The following C2orf69 variants were observed in gnomAD, a reference collection of about 807,000 sequenced individuals.
The protein encoded by C2orf69 is chromosome 2 open reading frame 69.
A neutral mutation model predicts 29.5 loss-of-function variants in C2orf69; 19 were observed. That is an observed-to-expected ratio of 0.65 (90% confidence interval 0.45 to 0.95). The LOEUF is 0.95. Among genes scored for constraint, C2orf69 ranks in the 40% least tolerant of loss-of-function variants. The pLI is 0.00. For synonymous variants in C2orf69, 194 were observed against 180.0 expected, an observed-to-expected ratio of 1.08 and a Z score of -0.62; for missense variants, 416 against 482.1, an observed-to-expected ratio of 0.86 and a Z score of 1.28.
rs962723387 is a variant in C2orf69, at chr2:199,913,406, T to A, written c.333+1635T>A. Among the ~76,000 whole-genome samples, 196 of 85,760 alleles carry A rather than the reference T, an allele frequency of 2.3e-3. 5 individuals are homozygous for A. Among genetic ancestry groups the A allele is most frequent in the Admixed American group, 0.019 (110 of 5,754 alleles). 56.3% of individuals were successfully genotyped at this position (85,760 alleles called of 152,430 possible). On this transcript the variant is annotated intron_variant, in intron 1 of 1. Coordinates refer to ENST00000319974, the MANE Select transcript of C2orf69 (RefSeq NM_153689.6). ...TATATATAATAACATATATTATATATAATATATATTCTATTATATAAAATA... is the reference window on the plus strand; with the variant it reads ...TATATATAATAACATATATTATATAAAATATATATTCTATTATATAAAATA...
intron 1 of C2orf69, among the ~76,000 whole-genome samples, chr2:199,920,415 AT>A (rs2077311243): frequency 6.6e-6 from 1 of 152,114 alleles, no homozygotes; most frequent in Admixed American, 6.5e-5. Context: ...GGAAAATATC[AT>A]GTTTCTAGAT....
intron 1 of C2orf69, among the ~76,000 whole-genome samples, chr2:199,913,505 ATATAT>A (rs1489057713): frequency 2.3e-5 from 1 of 43,428 alleles, no homozygotes; most frequent in East Asian, 8.2e-4. Flanking sequence ...TATATAAAAT[ATATAT>A]TATACTATAT....
chr2:199,911,825 G>C lies in C2orf69; in HGVS notation c.333+54G>C, dbSNP rs1009197862. 3 of 1,534,204 alleles carry C rather than the reference G, an allele frequency of 2.0e-6. No homozygotes were observed. In the South Asian group the frequency reaches 3.6e-5, roughly 18 times the overall value. On this transcript the variant is annotated intron_variant, in intron 1 of 1. Coordinates refer to ENST00000319974, the MANE Select transcript of C2orf69 (RefSeq NM_153689.6). ...TCCTTCCTCTCGTGTATACGTACGC[G>C]GTCACTGATTCTTCCCTCGTGGCTG... is the stretch of plus-strand genomic sequence containing the variant.
In C2orf69 at chr2:199,927,388, AT is replaced by A. The variant is rs2077340003; in HGVS notation, c.*1503del. 6.6e-6 allele frequency: 1 copy of A among 151,828 alleles called. No individual in the cohort carries two copies. The highest frequency in any genetic ancestry group is 1.5e-5 in the Non-Finnish European group (1 of 67,918). 9.4% of individuals were successfully genotyped at this position (151,828 alleles called of 1,614,324 possible). A position where few individuals can be genotyped will look rare whatever the true frequency, so the allele number is the denominator to read the frequency against. On this transcript the variant is annotated 3_prime_UTR_variant, in exon 2 of 2. Transcript: ENST00000319974. Reference sequence around the variant, plus strand: ...ACCTAGATTTATAAAGCCATATAGAATAAAAATGTTAATTTCTTGGTTTCTT... The same window carrying A: ...ACCTAGATTTATAAAGCCATATAGAAAAAAATGTTAATTTCTTGGTTTCTT...
Position 199,925,468 on chromosome 2 carries a change from G to A in C2orf69, c.740G>A (p.Ser247Asn), listed in dbSNP as rs765902580. The A allele has an allele frequency of 1.2e-6, 2 of 1,613,774 alleles. No individual in the cohort carries two copies. The highest frequency in any genetic ancestry group is 1.1e-5 in the South Asian group (1 of 91,086). Residue 247 changes from serine (S) to asparagine (N), a missense_variant, in exon 2 of 2, where the codon AGT becomes AAT. This residue lies in a region of C2orf69 where 225 missense variants were observed against 307.3 expected (regional missense o/e 0.73). Coordinates refer to ENST00000319974, the MANE Select transcript of C2orf69 (RefSeq NM_153689.6). The surrounding 1 kb of genome is among the most constrained non-coding windows in gnomAD (Gnocchi z 4.9). Reference protein sequence around the residue: ...TCEKSDESAMSFYPPSLNDAS... With the variant: ...TCEKSDESAMNFYPPSLNDAS... ...GAAAAATCTGATGAGTCTGCCATGA[G>A]TTTTTATCCACCATCACTAAATGAC...
chr2:199,913,810 T>A (rs889645621), intron 1 of C2orf69, among the ~76,000 whole-genome samples: 3 of 151,896 alleles, frequency 2.0e-5, no homozygotes, highest in African/African-American at 7.3e-5. Flanking sequence ...CCTAAAATAA[T>A]GATGATGATA....
At position 199,927,626 on chromosome 2, in the gene C2orf69, GTTTCT is replaced by G. The variant is rs1177724878; in HGVS notation, c.*1744_*1748del. The G allele has an allele frequency of 1.4e-5, 2 of 142,584 alleles. No homozygotes were observed. Among genetic ancestry groups the G allele is most frequent in the Admixed American group, 7.1e-5 (1 of 14,002 alleles). 8.8% of individuals were successfully genotyped at this position (142,584 alleles called of 1,614,324 possible). A position where few individuals can be genotyped will look rare whatever the true frequency, so the allele number is the denominator to read the frequency against. ...TTGCTTCAGTTTCTTTAAATACCTC[GTTTCT>G]TTTGAGACCAAAAATTCCCATCAAG... On this transcript the variant is annotated 3_prime_UTR_variant, in exon 2 of 2. Coordinates refer to ENST00000319974, the MANE Select transcript of C2orf69 (RefSeq NM_153689.6).
At chr2:199,924,911 A>T (rs183993897) in intron 1 of C2orf69, 151 bp from the exon 2 acceptor site, 19 of 584,774 alleles carry the variant, frequency 3.2e-5, no homozygotes, top group African/African-American at 3.0e-4. Context: ...ACTAGAAAGT[A>T]ATGACAAATT....
intron 1 of C2orf69, among the ~76,000 whole-genome samples, chr2:199,913,394 ATATAT>A (rs1243063085): frequency 2.1e-3 from 131 of 63,072 alleles, no homozygotes; most frequent in East Asian, 2.7e-3. Context: ...ATATAATAAC[ATATAT>A]TATATATAAT....
At chr2:199,911,857 G>A in intron 1 of C2orf69, 86 bp downstream of exon 1, 1 of 1,519,402 alleles carries the variant, frequency 6.6e-7, no homozygotes, top group East Asian at 2.5e-5. Context: ...GCTGCTGCCT[G>A]GTTCCTTTCC....
At chr2:199,913,551 AT>A (rs557743728) in intron 1 of C2orf69, among the ~76,000 whole-genome samples, 2,608 of 128,754 alleles carry the variant, frequency 0.02, 45 homozygotes, top group Non-Finnish European at 0.033. Context: ...TATATAAAAT[AT>A]ATATATATTT....
intron 1 of C2orf69, among the ~76,000 whole-genome samples, chr2:199,916,182 G>A (rs2077292115): frequency 6.6e-6 from 1 of 152,140 alleles, no homozygotes; most frequent in South Asian, 2.1e-4. Flanking sequence ...GCAAGAGGAG[G>A]GAGAAGAATG....
chr2:199,911,568 T>C lies in C2orf69; in HGVS notation c.130T>C (p.Ser44Pro), dbSNP rs2077259274. 19 of 1,549,554 alleles carry C rather than the reference T, an allele frequency of 1.2e-5. No individual in the cohort carries two copies. Among genetic ancestry groups the C allele is most frequent in the Non-Finnish European group, 1.6e-5 (18 of 1,146,712 alleles). Residue 44 changes from serine to proline, a missense_variant, in exon 1 of 2, where the codon TCC becomes CCC. By Grantham distance (74) the Ser-to-Pro change is moderately conservative. Coordinates refer to ENST00000319974, the MANE Select transcript of C2orf69 (RefSeq NM_153689.6). ...NPGGSGGARC[S>P]LSAEVRRRQC... ...GGGCGGCAGCGGCGGCGCGCGATGC[T>C]CCCTCTCGGCCGAGGTGCGCCGCCG...
intron 1 of C2orf69, among the ~76,000 whole-genome samples, chr2:199,913,539 TATATATA>T (rs2077282618): frequency 1.6e-5 from 2 of 126,672 alleles, no homozygotes; most frequent in Non-Finnish European, 3.2e-5. Flanking sequence ...TACTATATAA[TATATATA>T]AAATATATAT....
At position 199,926,289 on chromosome 2, in the gene C2orf69, A is replaced by G. The variant is rs1226212693; in HGVS notation, c.*403A>G. 6.2e-6 allele frequency: 1 copy of G among 162,414 alleles called. No homozygotes were observed. The highest frequency in any genetic ancestry group is 1.4e-5 in the Non-Finnish European group (1 of 73,910). 10.1% of individuals were successfully genotyped at this position (162,414 alleles called of 1,614,324 possible). On this transcript the variant is annotated 3_prime_UTR_variant, in exon 2 of 2. Coordinates refer to ENST00000319974, the MANE Select transcript of C2orf69 (RefSeq NM_153689.6). ...GTAATTAGCTATTTTGAGTGGAAAT[A>G]TTTTCATTTCTCTTCAAACAAAAGC...
chr2:199,916,613 T>C (rs141817975), intron 1 of C2orf69, among the ~76,000 whole-genome samples: 3,678 of 152,292 alleles, frequency 0.024, 90 homozygotes, highest in Non-Finnish European at 0.036. Flanking sequence ...ATACAGCCAT[T>C]CCAAATGGGA....
At chr2:199,913,400 T>G (rs2106636327) in intron 1 of C2orf69, among the ~76,000 whole-genome samples, 1 of 83,324 alleles carries the variant, frequency 1.2e-5, no homozygotes, top group South Asian at 3.3e-4. Flanking sequence ...TAACATATAT[T>G]ATATATAATA....
At chr2:199,917,863 A>C (rs1559293571) in intron 1 of C2orf69, among the ~76,000 whole-genome samples, 1 of 152,222 alleles carries the variant, frequency 6.6e-6, no homozygotes, top group African/African-American at 2.4e-5. Flanking sequence ...TAATAGAGAC[A>C]TACCCAAGAC....
chr2:199,915,479 G>T (rs1338131802), intron 1 of C2orf69, among the ~76,000 whole-genome samples: 1 of 151,512 alleles, frequency 6.6e-6, no homozygotes, highest in Non-Finnish European at 1.5e-5. Flanking sequence ...ACAGAATTTT[G>T]TAAGATAGTA....
Sources: gnomAD v4.1 joint callset for allele counts (sites outside exome capture counted in the v4.1 genomes callset) on GRCh38, gnomAD v4.1.1 for gene constraint, gnomAD v4.1.1 regional missense constraint, Gnocchi (gnomAD v3.1) non-coding constraint, MANE v1.5 for transcripts, NCBI Gene and HGNC (gene_info 2026-07-23, HGNC 2026-07-21) for gene names.